MKLN1: variants seen among roughly 807,000 people sequenced by gnomAD.
MKLN1 encodes the protein muskelin 1, also known as muskelin.
In MKLN1, 18 loss-of-function variants were observed where a neutral mutation model predicts 99.0. That is an observed-to-expected ratio of 0.18 (90% CI 0.13 to 0.27). The LOEUF (loss-of-function observed/expected upper bound fraction) is 0.27. Ranked by LOEUF, MKLN1 falls within the 10% of genes least tolerant of loss-of-function variation. The probability of loss-of-function intolerance (pLI) is 1.00; values close to 1 mark genes in which losing one functional copy is unlikely to be tolerated. For missense variants in MKLN1, 621 were observed against 875.9 expected, an observed-to-expected ratio of 0.71 and a Z score of 3.67; for synonymous variants, 288 against 293.2, an observed-to-expected ratio of 0.98 and a Z score of 0.18.
intron 12 of MKLN1, among the ~76,000 whole-genome samples, chr7:131,460,478 A>C (rs1796483710): frequency 1.3e-5 from 2 of 152,208 alleles, no homozygotes; most frequent in South Asian, 4.1e-4. Context: ...GCGTAAGCTG[A>C]GAATAGGCAC....
intron 3 of MKLN1, among the ~76,000 whole-genome samples, chr7:131,207,383 A>T (rs1455176912): frequency 1.3e-5 from 2 of 151,920 alleles, no homozygotes; most frequent in Non-Finnish European, 2.9e-5. Flanking sequence ...TTTTTAGTAG[A>T]GACAGGGTTT....
intron 1 of MKLN1, among the ~76,000 whole-genome samples, chr7:131,363,814 C>T (rs1477313385): frequency 1.3e-5 from 2 of 150,076 alleles, no homozygotes; most frequent in Non-Finnish European, 3.0e-5. Flanking sequence ...TTTTGTAGCA[C>T]TTATCACAGT....
chr7:131,164,981 A>C (rs932838960), intron 2 of MKLN1, among the ~76,000 whole-genome samples: 1 of 152,212 alleles, frequency 6.6e-6, no homozygotes, highest in African/African-American at 2.4e-5. Context: ...GCAGGAAGGA[A>C]AGTATATTCA....
chr7:131,193,388 C>G (rs28517313), intron 2 of MKLN1, among the ~76,000 whole-genome samples: 1 of 151,854 alleles, frequency 6.6e-6, no homozygotes, highest in Admixed American at 6.6e-5. Context: ...TTTTTTGAGA[C>G]GGAGTCTCAC....
At position 131,397,250 on chromosome 7, in the gene MKLN1, G is replaced by GT. The variant is rs1409105400; in HGVS notation, c.401-11dup. On this transcript the variant is annotated splice_polypyrimidine_tract_variant and intron_variant, in intron 4 of 17. Coordinates refer to ENST00000352689, the MANE Select transcript of MKLN1 (RefSeq NM_013255.5). ...TGTTAATATTTTTCTTCTTCTTTTTGTTTTTTCTCCTTAAAGTTCCACTCT... is the reference window on the plus strand; with the variant it reads ...TGTTAATATTTTTCTTCTTCTTTTTGTTTTTTTCTCCTTAAAGTTCCACTCT... The GT allele has an allele frequency of 9.3e-6, 14 of 1,503,342 alleles. No individual in the cohort carries two copies. Among genetic ancestry groups the GT allele is most frequent in the South Asian group, 2.3e-5 (2 of 85,866 alleles). 93.1% of individuals were successfully genotyped at this position (1,503,342 alleles called of 1,614,324 possible). A position where few individuals can be genotyped will look rare whatever the true frequency, so the allele number is the denominator to read the frequency against.
At chr7:131,213,264 G>T (rs1056464710) in intron 3 of MKLN1, among the ~76,000 whole-genome samples, 1 of 152,062 alleles carries the variant, frequency 6.6e-6, no homozygotes, top group African/African-American at 2.4e-5. Context: ...TTTTTTAGAT[G>T]TGTTTATATT....
intron 5 of MKLN1, 70 bp from the exon 6 acceptor site, chr7:131,399,171 G>A: frequency 6.8e-6 from 9 of 1,323,558 alleles, no homozygotes; most frequent in Non-Finnish European, 9.7e-6. Context: ...TATTTTTACT[G>A]TTGTTATTGT....
chr7:131,379,818 C>T (rs2116861403), intron 2 of MKLN1, among the ~76,000 whole-genome samples: 1 of 152,326 alleles, frequency 6.6e-6, no homozygotes, highest in South Asian at 2.1e-4. Flanking sequence ...CTCATGTACC[C>T]TGTAAATATA....
chr7:131,463,945 G>A (rs940471672), intron 13 of MKLN1, among the ~76,000 whole-genome samples: 1 of 152,182 alleles, frequency 6.6e-6, no homozygotes, highest in African/African-American at 2.4e-5. Flanking sequence ...TTCTAAATAG[G>A]ACATTTATTT....
chr7:131,428,959 A>G (rs1441909086), intron 8 of MKLN1, 74 bp from the exon 9 acceptor site: 31 of 1,162,250 alleles, frequency 2.7e-5, no homozygotes, highest in Non-Finnish European at 3.9e-5. Flanking sequence ...GGCCTTAGAA[A>G]CAGCTGGCTA....
chr7:131,189,559 A>C (rs1796504496), intron 2 of MKLN1, among the ~76,000 whole-genome samples: 1 of 151,556 alleles, frequency 6.6e-6, no homozygotes, highest in African/African-American at 2.4e-5. Context: ...CAAAACTCCC[A>C]AACCACCCAG....
chr7:131,207,557 T>G (rs1319697724), intron 3 of MKLN1, among the ~76,000 whole-genome samples: 1 of 152,194 alleles, frequency 6.6e-6, no homozygotes, highest in Admixed American at 6.5e-5. Flanking sequence ...TTGGAGCATG[T>G]GGATCAGCAT....
chr7:131,360,961 A>G (rs539617539), intron 1 of MKLN1, among the ~76,000 whole-genome samples: 2 of 152,130 alleles, frequency 1.3e-5, no homozygotes, highest in Admixed American at 6.5e-5. Flanking sequence ...TGGCACTTCA[A>G]GTATTTCGTT....
chr7:131,126,923 T>C (rs1021040939), intron 1 of MKLN1, among the ~76,000 whole-genome samples: 1 of 152,098 alleles, frequency 6.6e-6, no homozygotes, highest in African/African-American at 2.4e-5. Context: ...CTCAGCACTT[T>C]GGGAGGCTGA....
chr7:131,445,200 AT>A (rs563123547), intron 11 of MKLN1, among the ~76,000 whole-genome samples: 3 of 151,028 alleles, frequency 2.0e-5, no homozygotes, highest in Non-Finnish European at 4.4e-5. Context: ...TATTTGTTGG[AT>A]TTTTTTTGCC....
intron 1 of MKLN1, among the ~76,000 whole-genome samples, chr7:131,139,119 T>C (rs1316825089): frequency 6.6e-6 from 1 of 152,074 alleles, no homozygotes; most frequent in Non-Finnish European, 1.5e-5. Context: ...CTTCCTGGAA[T>C]ACAGGGATAG....
At chr7:131,152,450 G>A (rs982669551) in intron 2 of MKLN1, among the ~76,000 whole-genome samples, 2 of 151,038 alleles carry the variant, frequency 1.3e-5, no homozygotes, top group Middle Eastern at 3.4e-3. Flanking sequence ...ATTTTAAATT[G>A]TCTTACAAAT....
At chr7:131,425,197 C>T (rs1390541900) in intron 8 of MKLN1, among the ~76,000 whole-genome samples, 2 of 152,174 alleles carry the variant, frequency 1.3e-5, no homozygotes, top group Non-Finnish European at 2.9e-5. Context: ...TAGCCAAGAT[C>T]TGCCTGACTA....
At chr7:131,230,299 G>A (rs1797222628) in intron 3 of MKLN1, among the ~76,000 whole-genome samples, 1 of 152,134 alleles carries the variant, frequency 6.6e-6, no homozygotes, top group African/African-American at 2.4e-5. Flanking sequence ...ATCATGGCTG[G>A]GAATTCAGTT....
Sources: allele counts gnomAD v4.1 joint callset (sites outside exome capture counted in the v4.1 genomes callset), GRCh38; gene constraint gnomAD v4.1.1; transcripts MANE v1.5; gene names NCBI Gene and HGNC (gene_info 2026-07-23, HGNC 2026-07-21).